The following CIMIP6 variants were observed in gnomAD, a reference collection of about 807,000 sequenced individuals.
CIMIP6 encodes uncharacterized protein C2orf73.
the CIMIP6 span, chr2:54,334,804 TTA>T: frequency 1.3e-6 from 2 of 1,506,200 alleles, no homozygotes; most frequent in Admixed American, 2.0e-5. Context: ...GGTTTACTAT[TTA>T]TGTTTTTCAG....
the CIMIP6 span, among the ~76,000 whole-genome samples, chr2:54,332,655 C>T: frequency 2.6e-5 from 4 of 152,244 alleles, no homozygotes; most frequent in South Asian, 2.1e-4. Context: ...TTTATCAACC[C>T]GTAGGCATTC....
the CIMIP6 span, among the ~76,000 whole-genome samples, chr2:54,368,751 C>A: frequency 2.0e-5 from 3 of 152,172 alleles, no homozygotes; most frequent in Admixed American, 2.0e-4. Context: ...GACACCAAGG[C>A]TCAGGTAGTT....
the CIMIP6 span, chr2:54,381,714 C>T: frequency 4.6e-5 from 59 of 1,277,086 alleles, no homozygotes; most frequent in Non-Finnish European, 5.8e-5. Context: ...CCTGTGCCAT[C>T]TGCCCTTTTG....
At chr2:54,342,048 C>T in the CIMIP6 span, among the ~76,000 whole-genome samples, 1 of 152,116 alleles carries the variant, frequency 6.6e-6, no homozygotes, top group Non-Finnish European at 1.5e-5. Context: ...TCTCCAAAAT[C>T]CCCTAGTTCC....
the CIMIP6 span, among the ~76,000 whole-genome samples, chr2:54,369,786 A>G: frequency 6.6e-6 from 1 of 152,200 alleles, no homozygotes; most frequent in African/African-American, 2.4e-5. Flanking sequence ...AAGTTGCTAG[A>G]GTTATTAAAA....
At chr2:54,337,956 C>A in the CIMIP6 span, among the ~76,000 whole-genome samples, 2 of 151,952 alleles carry the variant, frequency 1.3e-5, no homozygotes, top group Non-Finnish European at 2.9e-5. Context: ...CATGGTGAGA[C>A]CCCATTTATA....
chr2:54,343,628 AAATTGAATTACTG>A, the CIMIP6 span: 1 of 902,682 alleles, frequency 1.1e-6, no homozygotes, highest in South Asian at 3.6e-5. Flanking sequence ...CTAACTTGTT[AAATTGAATTACTG>A]AATATCCATA....
the CIMIP6 span, among the ~76,000 whole-genome samples, chr2:54,340,919 C>T: frequency 3.3e-5 from 5 of 152,204 alleles, no homozygotes; most frequent in South Asian, 4.1e-4. Flanking sequence ...GAGTTGTAAT[C>T]GTACCACTAT....
the CIMIP6 span, among the ~76,000 whole-genome samples, chr2:54,339,517 T>TG: frequency 5.4e-5 from 4 of 74,710 alleles, 2 homozygotes; most frequent in African/African-American, 9.0e-5. Context: ...GAATTTTTTA[T>TG]GGGGGGGTGC....
chr2:54,346,210 A>G, the CIMIP6 span, among the ~76,000 whole-genome samples: 1 of 152,236 alleles, frequency 6.6e-6, no homozygotes, highest in Non-Finnish European at 1.5e-5. Flanking sequence ...TGGTTACACA[A>G]CAGAATGTAT....
the CIMIP6 span, among the ~76,000 whole-genome samples, chr2:54,377,120 C>G: frequency 1.3e-5 from 2 of 152,174 alleles, no homozygotes; most frequent in African/African-American, 4.8e-5. Context: ...TGTTTATTCC[C>G]TTACAAAGGG....
At chr2:54,358,313 A>G in the CIMIP6 span, among the ~76,000 whole-genome samples, 3 of 152,222 alleles carry the variant, frequency 2.0e-5, no homozygotes, top group African/African-American at 7.2e-5. Context: ...AGAATTTCTC[A>G]TACTCTTTCT....
chr2:54,375,497 G>T, the CIMIP6 span, among the ~76,000 whole-genome samples: 1 of 152,130 alleles, frequency 6.6e-6, no homozygotes, highest in Non-Finnish European at 1.5e-5. Flanking sequence ...GGGAAAGCAG[G>T]TACTTTAATG....
the CIMIP6 span, among the ~76,000 whole-genome samples, chr2:54,357,687 C>T: frequency 6.6e-6 from 1 of 151,658 alleles, no homozygotes; most frequent in East Asian, 1.9e-4. Flanking sequence ...AGTGATTCTC[C>T]AGCCTCACCC....
At chr2:54,354,447 G>T in the CIMIP6 span, among the ~76,000 whole-genome samples, 1 of 152,062 alleles carries the variant, frequency 6.6e-6, no homozygotes, top group Non-Finnish European at 1.5e-5. Flanking sequence ...ATAATAAAAT[G>T]CTATCATCCT....
the CIMIP6 span, among the ~76,000 whole-genome samples, chr2:54,364,514 C>A: frequency 6.6e-6 from 1 of 152,028 alleles, no homozygotes; most frequent in Admixed American, 6.6e-5. Flanking sequence ...TGAAGCAGGG[C>A]AAATAATAAT....
chr2:54,372,766 G>C, the CIMIP6 span, among the ~76,000 whole-genome samples: 2 of 152,170 alleles, frequency 1.3e-5, no homozygotes, highest in African/African-American at 4.8e-5. Context: ...TAAGGCCCCA[G>C]ATTAAGGAGG....
At chr2:54,371,067 A>C in the CIMIP6 span, among the ~76,000 whole-genome samples, 1 of 152,216 alleles carries the variant, frequency 6.6e-6, no homozygotes, top group African/African-American at 2.4e-5. Flanking sequence ...TTTAACAGAA[A>C]GCTACAGACA....
At chr2:54,372,614 T>A in the CIMIP6 span, among the ~76,000 whole-genome samples, 1 of 152,214 alleles carries the variant, frequency 6.6e-6, no homozygotes, top group Non-Finnish European at 1.5e-5. Context: ...TGTGAGGTCA[T>A]GCCAACCAGC....
Sources: allele counts gnomAD v4.1 joint callset (sites outside exome capture counted in the v4.1 genomes callset), GRCh38; gene constraint gnomAD v4.1.1; transcripts MANE v1.5; gene names NCBI Gene and HGNC (gene_info 2026-07-23, HGNC 2026-07-21).